The following FAM170A variants were observed in gnomAD, a reference collection of about 807,000 sequenced individuals.
The protein encoded by FAM170A is protein FAM170A.
Under a neutral mutation model 36.6 loss-of-function variants are expected in FAM170A, and 28 were observed. The observed-to-expected ratio is 0.76, with a 90% CI of 0.57 to 1.05. The LOEUF is 1.05. Among genes scored for constraint, FAM170A ranks in the 50% least tolerant of loss-of-function variants. The pLI, the probability that FAM170A is intolerant of heterozygous loss-of-function variation, is 0.00. For synonymous variants in FAM170A, 156 were observed against 143.9 expected (o/e 1.08, Z -0.60); for missense variants, 434 against 396.5 (o/e 1.09, Z -0.80).
exon 3 of FAM170A, chr5:119,634,266 C>A (rs757845702): frequency 6.8e-6 from 11 of 1,614,066 alleles, no homozygotes; most frequent in Admixed American, 3.3e-5. Flanking sequence ...GGTACTCCCC[C>A]CTCTGATGTG....
intron 2 of FAM170A, among the ~76,000 whole-genome samples, chr5:119,633,270 A>G (rs1273061427): frequency 2.0e-5 from 3 of 152,092 alleles, no homozygotes; most frequent in African/African-American, 7.2e-5. Context: ...GGGCAGTTGG[A>G]TATGATCAGA....
chr5:119,633,650 C>T (rs1756305368), intron 2 of FAM170A, among the ~76,000 whole-genome samples: 1 of 152,040 alleles, frequency 6.6e-6, no homozygotes, highest in African/African-American at 2.4e-5. Flanking sequence ...CTCCCACATT[C>T]CACAAATAAC....
chr5:119,629,703 C>T, exon 1 of FAM170A: 1 of 1,235,672 alleles, frequency 8.1e-7, no homozygotes. Context: ...CCAAGAAGGG[C>T]CAATCTACAG....
intron 2 of FAM170A, 132 bp from the exon 3 acceptor site, chr5:119,633,827 CA>C: frequency 8.3e-7 from 1 of 1,202,240 alleles, no homozygotes; most frequent in Non-Finnish European, 1.2e-6. Flanking sequence ...ATATGAACAA[CA>C]AATACCAAGC....
At chr5:119,632,142 C>T (rs189269201) in intron 1 of FAM170A, among the ~76,000 whole-genome samples, 5 of 152,228 alleles carry the variant, frequency 3.3e-5, no homozygotes, top group African/African-American at 9.6e-5. Context: ...AATCTGATGA[C>T]CCTTATAAAT....
At position 119,629,850 on chromosome 5, in the gene FAM170A, G is replaced by A. The variant is rs766430052; in HGVS notation, c.70+12G>A. 7 of 1,607,598 alleles carry A rather than the reference G, an allele frequency of 4.4e-6. No homozygotes were observed. In the South Asian group the frequency reaches 5.5e-5, roughly 13 times the overall value. ...TGAGAAGGGAGGAGGTATGTGCGGG[G>A]CAAACTTTCTGGGGCACAAGCGTCA... On this transcript the variant is annotated intron_variant, in intron 1 of 4. Coordinates refer to ENST00000613773, the Ensembl canonical transcript of FAM170A.
intron 1 of FAM170A, among the ~76,000 whole-genome samples, chr5:119,630,100 C>G (rs1178018322): frequency 1.4e-5 from 2 of 143,228 alleles, no homozygotes; most frequent in Non-Finnish European, 3.0e-5. Flanking sequence ...ACCGTGTTAG[C>G]CAGGATGGTC....
chr5:119,633,054 G>A lies in FAM170A; in HGVS notation c.211+166G>A, dbSNP rs571476095. 2.1e-4 allele frequency among the ~76,000 whole-genome samples: 32 copies of A among 152,178 alleles called. 1 individual carries two copies. In the South Asian group the frequency reaches 6.2e-3, roughly 30 times the overall value. ...GGCTTTTTGGGTTTGGGGCTCCTTC[G>A]GTGTGACAGTCTTTGGGTGTGGGGC... On this transcript the variant is annotated intron_variant, in intron 2 of 4. Transcript: ENST00000613773.
chr5:119,632,764 A>G lies in FAM170A; in HGVS notation c.87A>G (p.Gln29=), dbSNP rs767647467. The change falls in exon 2 of 5, where the codon CAA becomes CAG. Residue 29 remains glutamine (Q), a synonymous_variant. Transcript: ENST00000613773. ...CTTTCTCAGGAATGTCAAAGTCCCA[A>G]GAGGATGCCCTGCAGCCTGGATCCA... The G allele has an allele frequency of 3.1e-6, 5 of 1,603,664 alleles. No individual in the cohort carries two copies. In the South Asian group the frequency reaches 4.4e-5, roughly 14 times the overall value.
intron 1 of FAM170A, among the ~76,000 whole-genome samples, chr5:119,630,451 G>A (rs1221837878): frequency 5.3e-5 from 8 of 151,980 alleles, no homozygotes; most frequent in Non-Finnish European, 1.0e-4. Flanking sequence ...GATTATAGGC[G>A]TGAGCCATCG....
At chr5:119,635,471 C>T (rs1177973903) in intron 4 of FAM170A, among the ~76,000 whole-genome samples, 1 of 152,230 alleles carries the variant, frequency 6.6e-6, no homozygotes, top group African/African-American at 2.4e-5. Flanking sequence ...AGATATAGCC[C>T]TTGGGGAAAA....
At chr5:119,635,433 C>T (rs988003629) in intron 4 of FAM170A, among the ~76,000 whole-genome samples, 1 of 152,148 alleles carries the variant, frequency 6.6e-6, no homozygotes, top group African/African-American at 2.4e-5. Context: ...GAGCCTTTGG[C>T]CTGAGCTGGG....
At chr5:119,633,896 T>G in intron 2 of FAM170A, 64 bp from the exon 3 acceptor site, 1 of 1,548,096 alleles carries the variant, frequency 6.5e-7, no homozygotes, top group Non-Finnish European at 8.7e-7. Flanking sequence ...CATATTTAAC[T>G]TACGTTCCCT....
At chr5:119,630,691 C>G (rs1756230472) in intron 1 of FAM170A, among the ~76,000 whole-genome samples, 1 of 152,174 alleles carries the variant, frequency 6.6e-6, no homozygotes, top group Admixed American at 6.5e-5. Context: ...CTATGCCAGT[C>G]TCAGGCAGGC....
chr5:119,632,227 C>T (rs900049826), intron 1 of FAM170A, among the ~76,000 whole-genome samples: 2 of 152,140 alleles, frequency 1.3e-5, no homozygotes, highest in Non-Finnish European at 2.9e-5. Context: ...AATGGAAAGT[C>T]CACTTAGAAG....
chr5:119,634,646 G>A, exon 3 of FAM170A: 2 of 1,606,234 alleles, frequency 1.2e-6, no homozygotes, highest in Non-Finnish European at 1.7e-6. Flanking sequence ...AAAGGAGGAG[G>A]AGGGGCAGCC....
intron 2 of FAM170A, among the ~76,000 whole-genome samples, chr5:119,633,233 C>T (rs1453917804): frequency 6.6e-6 from 1 of 152,084 alleles, no homozygotes; most frequent in Non-Finnish European, 1.5e-5. Context: ...GCCCATAGAT[C>T]CAAGGATGAG....
exon 3 of FAM170A, chr5:119,634,453 G>T: frequency 6.2e-7 from 1 of 1,614,232 alleles, no homozygotes; most frequent in Non-Finnish European, 8.5e-7. Context: ...CCTGCTGCCG[G>T]GTGTTCACCA....
chr5:119,634,274 G>A (rs1756325984), exon 3 of FAM170A: 3 of 1,614,212 alleles, frequency 1.9e-6, no homozygotes, highest in South Asian at 2.2e-5. Flanking sequence ...CCCCTCTGAT[G>A]TGTCCACCAG....
Sources: allele counts gnomAD v4.1 joint callset (sites outside exome capture counted in the v4.1 genomes callset), GRCh38; gene constraint gnomAD v4.1.1; transcripts MANE v1.5; gene names NCBI Gene and HGNC (gene_info 2026-07-23, HGNC 2026-07-21).